CSMD1: variants seen among roughly 807,000 people sequenced by gnomAD.
CSMD1 encodes CUB and sushi domain-containing protein 1.
A neutral mutation model predicts 417.5 loss-of-function variants in CSMD1; 213 were observed. The ratio of observed to expected loss-of-function variants is 0.51; its 90% confidence interval spans 0.46 to 0.57. The LOEUF (loss-of-function observed/expected upper bound fraction) is 0.57, where lower values mean the gene tolerates loss of function less well. Among genes scored for constraint, CSMD1 ranks in the 20% least tolerant of loss-of-function variants. The pLI is 0.00. For missense variants in CSMD1, 6,923 were observed against 4,529.7 expected (o/e 1.53, Z -15.17); for synonymous variants, 2,862 against 1,736.8 (o/e 1.65, Z -16.11).
intron 5 of CSMD1, among the ~76,000 whole-genome samples, chr8:3,819,694 C>T (rs1019463172): frequency 6.6e-6 from 1 of 152,112 alleles, no homozygotes; most frequent in Non-Finnish European, 1.5e-5. Flanking sequence ...TTAGGTGATC[C>T]TCCAATCTCA....
chr8:3,456,701 T>C (rs1047546394), intron 12 of CSMD1, among the ~76,000 whole-genome samples: 1 of 152,124 alleles, frequency 6.6e-6, no homozygotes, highest in Non-Finnish European at 1.5e-5. Flanking sequence ...GGAATGAGCT[T>C]CCCATAAAGA....
intron 5 of CSMD1, among the ~76,000 whole-genome samples, chr8:3,780,070 C>A (rs1313960105): frequency 6.6e-6 from 1 of 152,162 alleles, no homozygotes; most frequent in African/African-American, 2.4e-5. Flanking sequence ...CTTTAAAATT[C>A]TTTAAAATCC....
At chr8:4,652,944 G>A (rs1336416239) in intron 1 of CSMD1, among the ~76,000 whole-genome samples, 1 of 151,474 alleles carries the variant, frequency 6.6e-6, no homozygotes, top group Admixed American at 6.6e-5. Flanking sequence ...GTGAGTGATA[G>A]GGAGTGGCTG....
rs904162502 is a variant in CSMD1 at position 4,257,191 on chromosome 8, C to G, written c.415+162762G>C. ...CCTTGAGTTATAAATTATGGTACTACATTTTTAAGCATGAGAGTTTTATTG... is the reference window on the plus strand; with the variant it reads ...CCTTGAGTTATAAATTATGGTACTAGATTTTTAAGCATGAGAGTTTTATTG... On this transcript the variant is annotated intron_variant, in intron 3 of 69. Transcript: ENST00000635120. Among the ~76,000 whole-genome samples the G allele has an allele frequency of 1.6e-4, 6 of 36,398 alleles. No homozygotes were observed. The East Asian group carries it at 4.0e-3, about 24-fold the overall frequency. 23.9% of individuals were successfully genotyped at this position (36,398 alleles called of 152,430 possible). A position where few individuals can be genotyped will look rare whatever the true frequency, so the allele number is the denominator to read the frequency against.
chr8:4,399,446 A>C (rs1804496312), intron 3 of CSMD1, among the ~76,000 whole-genome samples: 1 of 152,226 alleles, frequency 6.6e-6, no homozygotes, highest in South Asian at 2.1e-4. Flanking sequence ...GAGCCTTTCA[A>C]AGAATGGGTA....
Position 3,408,226 on chromosome 8 carries a change from CTG to C in CSMD1, c.1745-3_1745-2del. The C allele has an allele frequency of 6.3e-7, 1 of 1,588,754 alleles. No individual in the cohort carries two copies. Among genetic ancestry groups the C allele is most frequent in the Non-Finnish European group, 8.6e-7 (1 of 1,164,880 alleles). On this transcript the variant is annotated splice_acceptor_variant and splice_polypyrimidine_tract_variant and intron_variant, in intron 13 of 69. Transcript: ENST00000635120. LOFTEE classifies it high-confidence loss of function. ...GCCGTAAAGTTGAAGAAACATGAAA[CTG>C]TGAAGATGCAAATATATTTTCAAAC...
Position 4,319,127 on chromosome 8 carries a change from G to C in CSMD1, c.415+100826C>G, listed in dbSNP as rs553779394. Reference sequence around the variant, plus strand: ...TAACAAAGTAAGGAGGATTTTAAAAGCAGATTAAATCAAAATTGGGAAAAT... The same window carrying C: ...TAACAAAGTAAGGAGGATTTTAAAACCAGATTAAATCAAAATTGGGAAAAT... On this transcript the variant is annotated intron_variant, in intron 3 of 69. Transcript: ENST00000635120. 3.0e-4 allele frequency among the ~76,000 whole-genome samples: 45 copies of C among 152,200 alleles called. No homozygotes were observed. In the South Asian group the frequency reaches 9.1e-3, roughly 31 times the overall value.
intron 3 of CSMD1, among the ~76,000 whole-genome samples, chr8:4,057,310 T>G (rs1585221672): frequency 6.6e-6 from 1 of 152,214 alleles, no homozygotes; most frequent in Non-Finnish European, 1.5e-5. Context: ...TTCATGTGCT[T>G]TTTGGCTGCA....
intron 1 of CSMD1, among the ~76,000 whole-genome samples, chr8:4,937,112 C>G (rs768580636): frequency 6.6e-6 from 1 of 152,154 alleles, no homozygotes; most frequent in African/African-American, 2.4e-5. Flanking sequence ...ATCCAGGAGG[C>G]TGAAGGTGGA....
At chr8:4,913,843 A>T (rs961856029) in intron 1 of CSMD1, among the ~76,000 whole-genome samples, 1 of 152,232 alleles carries the variant, frequency 6.6e-6, no homozygotes, top group Non-Finnish European at 1.5e-5. Flanking sequence ...GAGCTTCTCC[A>T]GCCAGCAGCT....
chr8:4,182,666 TCA>T (rs1798444125), intron 3 of CSMD1, among the ~76,000 whole-genome samples: 1 of 152,158 alleles, frequency 6.6e-6, no homozygotes, highest in African/African-American at 2.4e-5. Flanking sequence ...AAAAATAGAT[TCA>T]CAAATTGTGA....
At chr8:4,433,288 C>A (rs1179736857) in intron 2 of CSMD1, among the ~76,000 whole-genome samples, 1 of 152,162 alleles carries the variant, frequency 6.6e-6, no homozygotes, top group African/African-American at 2.4e-5. Flanking sequence ...ACACCCTGGT[C>A]CGTAGAAAAA....
chr8:4,077,303 A>ATATATATATATATATATGTG (rs1799878633), intron 3 of CSMD1, among the ~76,000 whole-genome samples: 1 of 81,548 alleles, frequency 1.2e-5, no homozygotes, highest in South Asian at 4.3e-4. Flanking sequence ...ATGTGTATAT[A>ATATATATATATATATATGTG]TATATATATA....
At chr8:3,677,791 T>A (rs1799453238) in intron 7 of CSMD1, among the ~76,000 whole-genome samples, 1 of 152,190 alleles carries the variant, frequency 6.6e-6, no homozygotes, top group South Asian at 2.1e-4. Context: ...ATATGTGCAA[T>A]TTTTTAAAAC....
chr8:4,035,392 TA>T lies in CSMD1; in HGVS notation c.416-3294del, dbSNP rs899671713. 7.9e-5 allele frequency among the ~76,000 whole-genome samples: 12 copies of T among 151,564 alleles called. No homozygotes were observed. The South Asian group carries it at 1.0e-3, about 13-fold the overall frequency. On this transcript the variant is annotated intron_variant, in intron 3 of 69. Transcript: ENST00000635120. ...TTATTTCAGAGTGTGCTTCTTCTACTAAAAAAAAATTACGATTTTACTGTAA... is the reference window on the plus strand; with the variant it reads ...TTATTTCAGAGTGTGCTTCTTCTACTAAAAAAAATTACGATTTTACTGTAA...
At chr8:4,701,102 A>G (rs1049624595) in intron 1 of CSMD1, among the ~76,000 whole-genome samples, 3 of 152,080 alleles carry the variant, frequency 2.0e-5, no homozygotes, top group Non-Finnish European at 4.4e-5. Flanking sequence ...AGTTAGGATG[A>G]AAGGTGAATG....
At chr8:3,912,368 C>T (rs1808518056) in intron 5 of CSMD1, among the ~76,000 whole-genome samples, 1 of 152,162 alleles carries the variant, frequency 6.6e-6, no homozygotes, top group Admixed American at 6.5e-5. Flanking sequence ...GGATTTACTA[C>T]ATTCAAGGCA....
chr8:3,879,539 C>T (rs1371028648), intron 5 of CSMD1, among the ~76,000 whole-genome samples: 2 of 152,288 alleles, frequency 1.3e-5, no homozygotes, highest in African/African-American at 4.8e-5. Context: ...TCCCCCGCTA[C>T]AGTCTACTTT....
intron 5 of CSMD1, among the ~76,000 whole-genome samples, chr8:3,754,483 C>G (rs1797543546): frequency 7.0e-6 from 1 of 143,688 alleles, no homozygotes; most frequent in African/African-American, 2.5e-5. Context: ...GAGACGGAGT[C>G]TCACTGTGTC....
Sources: allele counts gnomAD v4.1 joint callset (sites outside exome capture counted in the v4.1 genomes callset), GRCh38; gene constraint gnomAD v4.1.1; transcripts MANE v1.5; gene names NCBI Gene and HGNC (gene_info 2026-07-23, HGNC 2026-07-21).